CSMD1: variants seen among roughly 807,000 people sequenced by gnomAD.
CSMD1 encodes the protein CUB and sushi domain-containing protein 1.
In CSMD1, 213 loss-of-function variants were observed where a neutral mutation model predicts 417.5. That is an observed-to-expected ratio of 0.51 (90% CI 0.46 to 0.57). The LOEUF is 0.57. Ranked by LOEUF, CSMD1 falls within the 20% of genes least tolerant of loss-of-function variation. CSMD1 has a pLI of 0.00. For missense variants in CSMD1, 6,923 were observed against 4,529.7 expected, an observed-to-expected ratio of 1.53 and a Z score of -15.17; for synonymous variants, 2,862 against 1,736.8, an observed-to-expected ratio of 1.65 and a Z score of -16.11.
At chr8:4,603,211 G>C (rs1203452104) in intron 2 of CSMD1, among the ~76,000 whole-genome samples, 2 of 151,888 alleles carry the variant, frequency 1.3e-5, no homozygotes, top group Non-Finnish European at 2.9e-5. Flanking sequence ...GCACACCAAA[G>C]CAATAGAAGA....
chr8:3,328,568 A>C (rs189008354), intron 23 of CSMD1, among the ~76,000 whole-genome samples: 2 of 152,324 alleles, frequency 1.3e-5, no homozygotes, highest in Admixed American at 1.3e-4. Context: ...CACAGCAATG[A>C]TCAGTTTCAA....
chr8:3,826,945 T>C (rs1245039561), intron 5 of CSMD1, among the ~76,000 whole-genome samples: 2 of 151,976 alleles, frequency 1.3e-5, no homozygotes, highest in African/African-American at 4.8e-5. Context: ...TGCCTAGCTA[T>C]TTTTTTAAAT....
At chr8:4,874,368 A>G (rs1303661303) in intron 1 of CSMD1, among the ~76,000 whole-genome samples, 1 of 149,748 alleles carries the variant, frequency 6.7e-6, no homozygotes, top group Non-Finnish European at 1.5e-5. Flanking sequence ...ATGGTGGAGG[A>G]GATCTTTCAA....
At chr8:3,577,218 A>G (rs528718608) in intron 9 of CSMD1, among the ~76,000 whole-genome samples, 18 of 149,196 alleles carry the variant, frequency 1.2e-4, no homozygotes, top group African/African-American at 3.2e-4. Context: ...GGCTACCAGC[A>G]TCTCATGAAA....
intron 3 of CSMD1, among the ~76,000 whole-genome samples, chr8:4,107,872 TACTC>T (rs1479301264): frequency 1.3e-5 from 2 of 152,172 alleles, no homozygotes; most frequent in Non-Finnish European, 1.5e-5. Context: ...TAGAAGGAAT[TACTC>T]ACTCTTTCAT....
chr8:4,501,669 T>C (rs1215009920), intron 2 of CSMD1, among the ~76,000 whole-genome samples: 1 of 152,196 alleles, frequency 6.6e-6, no homozygotes, highest in East Asian at 1.9e-4. Context: ...AGCCAGGACA[T>C]GAATCATTCC....
rs1477685923 is a variant in CSMD1 at position 4,788,253 on chromosome 8, G to A, written c.86-150695C>T. The A allele has an allele frequency of 9.5e-6, 15 of 1,584,698 alleles. No individual in the cohort carries two copies. The Admixed American group carries it at 2.4e-4, about 25-fold the overall frequency. On this transcript the variant is annotated intron_variant, in intron 1 of 69. Coordinates refer to ENST00000635120, the MANE Select transcript of CSMD1 (RefSeq NM_033225.6). The stretch of plus-strand genomic sequence containing the variant: ...AGATGAAACTCTGAGGGTTAAAGCT[G>A]AGTATGAAAGGGATGGCATTCCTAC...
At chr8:4,226,786 C>T (rs143233979) in intron 3 of CSMD1, among the ~76,000 whole-genome samples, 12 of 152,232 alleles carry the variant, frequency 7.9e-5, no homozygotes, top group African/African-American at 2.9e-4. Flanking sequence ...AAAACAAAAA[C>T]TCTGCCCCAT....
intron 18 of CSMD1, among the ~76,000 whole-genome samples, chr8:3,369,894 T>A (rs775422527): frequency 2.0e-5 from 3 of 152,234 alleles, no homozygotes; most frequent in Admixed American, 1.3e-4. Context: ...AAATGCCAGC[T>A]CAGCTTCTCA....
At chr8:3,954,528 A>C (rs1459050572) in intron 5 of CSMD1, among the ~76,000 whole-genome samples, 1 of 151,928 alleles carries the variant, frequency 6.6e-6, no homozygotes, top group Non-Finnish European at 1.5e-5. Context: ...CACCACTCCC[A>C]GATAATTTTT....
intron 5 of CSMD1, among the ~76,000 whole-genome samples, chr8:3,876,900 T>C (rs895755785): frequency 6.6e-6 from 1 of 152,204 alleles, no homozygotes; most frequent in Non-Finnish European, 1.5e-5. Flanking sequence ...ACAGGCATGA[T>C]CCACTCTGTC....
intron 1 of CSMD1, among the ~76,000 whole-genome samples, chr8:4,932,081 G>A (rs950932600): frequency 6.6e-6 from 1 of 152,134 alleles, no homozygotes; most frequent in African/African-American, 2.4e-5. Flanking sequence ...TAGCATGAAT[G>A]CATTTATTAA....
At chr8:4,441,146 T>G (rs2693788) in intron 2 of CSMD1, among the ~76,000 whole-genome samples, 2,216 of 129,806 alleles carry the variant, frequency 0.017, 66 homozygotes, top group African/African-American at 0.059. Context: ...TCACCTAAGC[T>G]AGAGTGCAGT....
chr8:3,308,161 C>T, intron 24 of CSMD1, 151 bp downstream of exon 24: 1 of 647,600 alleles, frequency 1.5e-6, no homozygotes, highest in Non-Finnish European at 2.6e-6. Context: ...CACACACTCA[C>T]AGACACGTGC....
At chr8:2,996,655 C>T (rs2128952203) in intron 54 of CSMD1, among the ~76,000 whole-genome samples, 2 of 152,322 alleles carry the variant, frequency 1.3e-5, no homozygotes, top group Middle Eastern at 6.8e-3. Flanking sequence ...GCACAGTTGT[C>T]AGTCATAAGA....
chr8:4,908,734 C>CATTTT (rs1554517277), intron 1 of CSMD1, among the ~76,000 whole-genome samples: 1 of 12,216 alleles, frequency 8.2e-5, no homozygotes, highest in Non-Finnish European at 2.2e-4. Context: ...ATGTTATTTT[C>CATTTT]TAGTAATTCA....
At chr8:3,519,121 C>T (rs2117440090) in intron 10 of CSMD1, among the ~76,000 whole-genome samples, 1 of 152,286 alleles carries the variant, frequency 6.6e-6, no homozygotes, top group East Asian at 1.9e-4. Flanking sequence ...TATTTGGGTA[C>T]TGCACAACTT....
intron 2 of CSMD1, among the ~76,000 whole-genome samples, chr8:4,625,268 T>C (rs1401313952): frequency 1.3e-5 from 2 of 152,006 alleles, no homozygotes; most frequent in Admixed American, 1.3e-4. Flanking sequence ...GCCAGTTAAT[T>C]TTCCTTTACT....
At chr8:3,876,756 T>C (rs929556008) in intron 5 of CSMD1, among the ~76,000 whole-genome samples, 1 of 152,130 alleles carries the variant, frequency 6.6e-6, no homozygotes, top group Admixed American at 6.5e-5. Flanking sequence ...AGCACAGGCA[T>C]AGGCCACCAG....
Sources: gnomAD v4.1 joint callset for allele counts (sites outside exome capture counted in the v4.1 genomes callset) on GRCh38, gnomAD v4.1.1 for gene constraint, MANE v1.5 for transcripts, NCBI Gene and HGNC (gene_info 2026-07-23, HGNC 2026-07-21) for gene names.